ITGAL: variants seen among roughly 807,000 people sequenced by gnomAD.
ITGAL encodes the protein integrin alpha-L.
Under a neutral mutation model 138.4 loss-of-function variants are expected in ITGAL, and 68 were observed. The observed-to-expected ratio is 0.49, with a 90% confidence interval of 0.40 to 0.60. The LOEUF (loss-of-function observed/expected upper bound fraction) is 0.60, where lower values mean the gene tolerates loss of function less well. ITGAL is among the 20% of genes least tolerant of loss of function. The pLI is 0.00. For synonymous variants in ITGAL, 561 were observed against 584.3 expected (o/e 0.96, Z 0.57); for missense variants, 1,256 against 1,478.6 (o/e 0.85, Z 2.47).
chr16:30,517,743 G>A (rs776863978), intron 27 of ITGAL, 38 bp downstream of exon 27: 43 of 1,612,498 alleles, frequency 2.7e-5, no homozygotes, highest in South Asian at 9.9e-5. Context: ...GGGGCTGGGC[G>A]GTACACGGGT....
intron 20 of ITGAL, among the ~76,000 whole-genome samples, chr16:30,506,058 G>A (rs1042261224): frequency 1.3e-5 from 2 of 152,042 alleles, no homozygotes; most frequent in Admixed American, 1.3e-4. Context: ...TCAGGAGCTC[G>A]AGGCCAGCCT....
Position 30,475,599 on chromosome 16 carries a change from G to T in ITGAL, c.327+19G>T, listed in dbSNP as rs1275698783. The T allele has an allele frequency of 6.3e-7, 1 of 1,582,796 alleles. No homozygotes were observed. Among genetic ancestry groups the T allele is most frequent in the Non-Finnish European group, 8.7e-7 (1 of 1,151,370 alleles). On this transcript the variant is annotated intron_variant, in intron 4 of 30. Transcript: ENST00000356798. ...CATTTTGGTAAGAATTTTGTGCAGT[G>T]GTGTTATCAGAGCCTGTGAAGCTCA... is the stretch of plus-strand genomic sequence containing the variant.
intron 28 of ITGAL, 127 bp from the exon 29 acceptor site, chr16:30,518,497 T>A: frequency 1.4e-5 from 9 of 663,278 alleles, no homozygotes; most frequent in Non-Finnish European, 2.2e-5. Flanking sequence ...TAGAGAGTTG[T>A]GTAGAGATGG....
At chr16:30,488,012 A>C (rs2050672005) in intron 9 of ITGAL, among the ~76,000 whole-genome samples, 1 of 152,070 alleles carries the variant, frequency 6.6e-6, no homozygotes, top group South Asian at 2.1e-4. Context: ...GCCACCACGC[A>C]CAGCCAGTGA....
rs371861268 is a variant in ITGAL at position 30,513,723 on chromosome 16, G to A, written c.2787-48G>A. The A allele has an allele frequency of 7.0e-5, 102 of 1,456,052 alleles. No individual in the cohort carries two copies. The South Asian group carries it at 8.1e-4, about 12-fold the overall frequency. The allele number at this position is 1,456,052 out of a possible 1,614,324, so 90.2% of individuals were successfully genotyped here. A position where few individuals can be genotyped will look rare whatever the true frequency, so the allele number is the denominator to read the frequency against. ...GGCGCTCAGAAGCTTCCTGGAGCCC[G>A]GGTTGCTGTCACTTCGTTCTTCCAT... On this transcript the variant is annotated intron_variant, in intron 24 of 30. Coordinates refer to ENST00000356798, the MANE Select transcript of ITGAL (RefSeq NM_002209.3).
chr16:30,482,321 A>G (rs1290600669), intron 7 of ITGAL, among the ~76,000 whole-genome samples: 1 of 152,146 alleles, frequency 6.6e-6, no homozygotes, highest in East Asian at 1.9e-4. Context: ...CAGGACACCA[A>G]TGTGGCCGGA....
Position 30,479,174 on chromosome 16 carries a change from G to A in ITGAL, c.411G>A (p.Gln137=), listed in dbSNP as rs200594473. The A allele has an allele frequency of 2.2e-5, 36 of 1,613,998 alleles. No homozygotes were observed. In the Admixed American group the frequency reaches 4.2e-4, roughly 19 times the overall value. The part of the protein sequence containing the change: ...GLCYLFRQNL[Q]GPMLQGRPGF... ...GTTACCTCTTCCGCCAGAATCTGCA[G>A]GGTCCCATGCTGCAGGGGCGCCCTG... The change falls in exon 5 of 31, where the codon CAG becomes CAA. Residue 137 remains glutamine, a synonymous_variant. Coordinates refer to ENST00000356798, the MANE Select transcript of ITGAL (RefSeq NM_002209.3).
intron 30 of ITGAL, 91 bp downstream of exon 30, chr16:30,520,058 G>A: frequency 1.1e-6 from 1 of 914,400 alleles, no homozygotes. Context: ...TACCAAGCCA[G>A]AGGGCATAAG....
Position 30,522,001 on chromosome 16 carries a change from T to C in ITGAL, c.*336T>C. 1 of 255,990 alleles carries C rather than the reference T, an allele frequency of 3.9e-6. No homozygotes were observed. The highest frequency in any genetic ancestry group is 7.6e-6 in the Non-Finnish European group (1 of 130,908). The allele number at this position is 255,990 out of a possible 1,614,324, so 15.9% of individuals were successfully genotyped here. ...TCAGGACCTAGGGATGTTCTGGCCC[T>C]CACCCCTGCCCTGGGATGTCCACAG... On this transcript the variant is annotated 3_prime_UTR_variant, in exon 31 of 31. Transcript: ENST00000356798. The surrounding 1 kb of genome is among the most constrained non-coding windows in gnomAD (Gnocchi z 4.0).
chr16:30,475,692 C>A, intron 4 of ITGAL, 112 bp downstream of exon 4: 1 of 627,420 alleles, frequency 1.6e-6, no homozygotes, highest in Non-Finnish European at 2.9e-6. Flanking sequence ...TCAAAGGCAT[C>A]AGAGTCAATT....
At chr16:30,493,433 C>T (rs920667237) in intron 11 of ITGAL, among the ~76,000 whole-genome samples, 8 of 151,962 alleles carry the variant, frequency 5.3e-5, no homozygotes, top group East Asian at 3.9e-4. Context: ...CCTACCACCA[C>T]GTCCAGCTAA....
At chr16:30,480,714 T>C (rs2050540076) in intron 6 of ITGAL, 1 of 152,166 alleles carries the variant, frequency 6.6e-6, no homozygotes, top group Non-Finnish European at 1.5e-5. Context: ...TAAGAAGAGA[T>C]TGAGCCAGGC....
chr16:30,495,405 C>T (rs897297105), intron 13 of ITGAL, among the ~76,000 whole-genome samples: 4 of 152,146 alleles, frequency 2.6e-5, no homozygotes, highest in Non-Finnish European at 4.4e-5. Flanking sequence ...GTGATCCACC[C>T]GCCTCGGCCT....
intron 11 of ITGAL, 144 bp downstream of exon 11, chr16:30,489,530 T>C (rs2151152136): frequency 1.3e-6 from 1 of 761,804 alleles, no homozygotes; most frequent in East Asian, 2.6e-5. Context: ...ACATTCATAA[T>C]TTATTGTCTG....
At chr16:30,473,311 T>A (rs1324118709) in intron 1 of ITGAL, among the ~76,000 whole-genome samples, 1 of 152,168 alleles carries the variant, frequency 6.6e-6, no homozygotes, top group East Asian at 1.9e-4. Flanking sequence ...CACAGGCCTG[T>A]AATCCCAGCT....
At position 30,521,793 on chromosome 16, in the gene ITGAL, T is replaced by C; in HGVS notation, c.*128T>C. The C allele has an allele frequency of 2.3e-6, 2 of 868,026 alleles. No individual in the cohort carries two copies. Among genetic ancestry groups the C allele is most frequent in the South Asian group, 1.8e-5 (1 of 56,370 alleles). The allele number at this position is 868,026 out of a possible 1,614,324, so 53.8% of individuals were successfully genotyped here. ...GCCTCTCCCTGGCCCTCAGTTTCCC[T>C]ATCTCGAACATGGAACTCATTCCTG... On this transcript the variant is annotated 3_prime_UTR_variant, in exon 31 of 31. Transcript: ENST00000356798.
chr16:30,495,913 C>T (rs1256883197), intron 13 of ITGAL, among the ~76,000 whole-genome samples, 184 bp from the exon 14 acceptor site: 6 of 152,032 alleles, frequency 3.9e-5, no homozygotes, highest in African/African-American at 1.4e-4. Context: ...GTAGGGGAAA[C>T]CACAAGGTCA....
At chr16:30,515,402 C>T (rs544002053) in intron 25 of ITGAL, among the ~76,000 whole-genome samples, 6 of 152,338 alleles carry the variant, frequency 3.9e-5, no homozygotes, top group African/African-American at 1.4e-4. Flanking sequence ...CTCCCAGCCT[C>T]TTTCCAGCTC....
At chr16:30,488,775 G>A (rs1391933501) in intron 9 of ITGAL, 4 of 391,532 alleles carry the variant, frequency 1.0e-5, no homozygotes, top group Non-Finnish European at 1.9e-5. Flanking sequence ...TATCCAGGAG[G>A]CTAAGCCCGG....
Sources: gnomAD v4.1 joint callset for allele counts (sites outside exome capture counted in the v4.1 genomes callset) on GRCh38, gnomAD v4.1.1 for gene constraint, Gnocchi (gnomAD v3.1) non-coding constraint, MANE v1.5 for transcripts, NCBI Gene and HGNC (gene_info 2026-07-23, HGNC 2026-07-21) for gene names.